The following ADCY2 variants were observed in gnomAD, a reference collection of about 807,000 sequenced individuals.
The protein encoded by ADCY2 is adenylate cyclase 2.
ADCY2 carries 31 observed loss-of-function variants against 125.2 expected under a neutral mutation model. The observed-to-expected ratio is 0.25, with a 90% CI of 0.19 to 0.33. The LOEUF is 0.33. ADCY2 is among the 10% of genes least tolerant of loss of function. The probability of loss-of-function intolerance (pLI) is 1.00; values close to 1 mark genes in which losing one functional copy is unlikely to be tolerated. For synonymous variants in ADCY2, 512 were observed against 548.4 expected (o/e 0.93, Z 0.93); for missense variants, 904 against 1,418.2 (o/e 0.64, Z 5.82).
At chr5:7,443,911 A>T (rs1265544530) in intron 2 of ADCY2, among the ~76,000 whole-genome samples, 1 of 151,856 alleles carries the variant, frequency 6.6e-6, no homozygotes, top group African/African-American at 2.4e-5. Context: ...TTTGTTTTAA[A>T]TTTTCAGCAG....
intron 3 of ADCY2, among the ~76,000 whole-genome samples, chr5:7,616,659 G>A (rs974302926): frequency 1.3e-5 from 2 of 152,132 alleles, no homozygotes; most frequent in African/African-American, 4.8e-5. Flanking sequence ...AATGTCTAAG[G>A]CTTGCCCATT....
intron 6 of ADCY2, among the ~76,000 whole-genome samples, chr5:7,697,266 A>G (rs1740924443): frequency 6.6e-6 from 1 of 152,080 alleles, no homozygotes; most frequent in Non-Finnish European, 1.5e-5. Flanking sequence ...TAACAGAAGT[A>G]CTCAACGTGA....
At chr5:7,588,745 AATTTT>A (rs1736712613) in intron 3 of ADCY2, among the ~76,000 whole-genome samples, 1 of 152,222 alleles carries the variant, frequency 6.6e-6, no homozygotes, top group African/African-American at 2.4e-5. Context: ...GTTGCTTGGG[AATTTT>A]ATTTTAATCA....
intron 4 of ADCY2, among the ~76,000 whole-genome samples, chr5:7,626,768 G>GTCCCAGGGAGGGCATTTA (rs1394449027): frequency 6.6e-6 from 1 of 152,140 alleles, no homozygotes; most frequent in East Asian, 1.9e-4. Flanking sequence ...GGGCATTTAT[G>GTCCCAGGGAGGGCATTTA]TGTCCATGAG....
intron 10 of ADCY2, among the ~76,000 whole-genome samples, chr5:7,711,493 G>A (rs1741439553): frequency 6.6e-6 from 1 of 152,178 alleles, no homozygotes; most frequent in Non-Finnish European, 1.5e-5. Flanking sequence ...TTCCTGTGCT[G>A]TTTTTCATGT....
At chr5:7,425,084 T>G (rs1448163839) in intron 2 of ADCY2, among the ~76,000 whole-genome samples, 14 of 152,172 alleles carry the variant, frequency 9.2e-5, no homozygotes, top group Non-Finnish European at 1.5e-5. Flanking sequence ...TGCCCAGTGC[T>G]GCTCACTGTC....
chr5:7,633,501 T>C (rs553299685), intron 4 of ADCY2, among the ~76,000 whole-genome samples: 1 of 151,964 alleles, frequency 6.6e-6, no homozygotes, highest in African/African-American at 2.4e-5. Flanking sequence ...TAAAAAAGAA[T>C]TATAGCAATT....
chr5:7,510,703 G>A (rs753802459), intron 2 of ADCY2, among the ~76,000 whole-genome samples: 9 of 152,208 alleles, frequency 5.9e-5, no homozygotes, highest in Non-Finnish European at 1.2e-4. Context: ...AGGGCAGATG[G>A]TGCAGCTCTC....
intron 7 of ADCY2, among the ~76,000 whole-genome samples, chr5:7,699,058 TGAG>T: frequency 7.7e-6 from 1 of 130,458 alleles, no homozygotes; most frequent in Non-Finnish European, 1.6e-5. Context: ...TGTTGTTTCC[TGAG>T]TCAGGAAACA....
chr5:7,643,151 A>C (rs1306083299), intron 4 of ADCY2, among the ~76,000 whole-genome samples: 2 of 151,950 alleles, frequency 1.3e-5, no homozygotes, highest in Non-Finnish European at 2.9e-5. Context: ...TCTATTTATG[A>C]AAATATGCCA....
intron 1 of ADCY2, among the ~76,000 whole-genome samples, chr5:7,409,016 T>C (rs1459064951): frequency 6.6e-6 from 1 of 152,168 alleles, no homozygotes; most frequent in Admixed American, 6.5e-5. Flanking sequence ...AAAGAAAATG[T>C]GGTACATATA....
intron 14 of ADCY2, among the ~76,000 whole-genome samples, chr5:7,741,040 T>C (rs62342472): frequency 0.027 from 4,076 of 152,096 alleles, 77 homozygotes; most frequent in Non-Finnish European, 0.04. Flanking sequence ...ACCTCACAAA[T>C]CTGATCTAAA....
chr5:7,685,972 C>G (rs975052053), intron 4 of ADCY2, among the ~76,000 whole-genome samples: 1 of 152,138 alleles, frequency 6.6e-6, no homozygotes, highest in Non-Finnish European at 1.5e-5. Context: ...AACATCCTTT[C>G]TGTTTATCCC....
intron 3 of ADCY2, among the ~76,000 whole-genome samples, chr5:7,570,776 T>C (rs1396783606): frequency 1.3e-5 from 2 of 152,162 alleles, no homozygotes; most frequent in Non-Finnish European, 1.5e-5. Flanking sequence ...TTATCACAAT[T>C]CAAATATTGT....
chr5:7,611,378 G>A (rs893195025), intron 3 of ADCY2, among the ~76,000 whole-genome samples: 2 of 152,064 alleles, frequency 1.3e-5, no homozygotes, highest in Non-Finnish European at 2.9e-5. Context: ...TACCTAGTGT[G>A]CCCACTCTTT....
intron 3 of ADCY2, among the ~76,000 whole-genome samples, chr5:7,615,987 A>G (rs1157985224): frequency 6.6e-6 from 1 of 152,144 alleles, no homozygotes; most frequent in East Asian, 1.9e-4. Flanking sequence ...ATTATATTTT[A>G]TTTTCATATA....
At chr5:7,409,238 G>A (rs1739621296) in intron 1 of ADCY2, among the ~76,000 whole-genome samples, 1 of 152,142 alleles carries the variant, frequency 6.6e-6, no homozygotes, top group Non-Finnish European at 1.5e-5. Flanking sequence ...TGAGGAGGGT[G>A]GAGGGTGGGA....
intron 7 of ADCY2, among the ~76,000 whole-genome samples, chr5:7,704,826 C>T (rs1461109137): frequency 6.7e-6 from 1 of 150,060 alleles, no homozygotes; most frequent in Admixed American, 6.7e-5. Flanking sequence ...TGCAGTGAGC[C>T]GAGATCACGC....
intron 3 of ADCY2, among the ~76,000 whole-genome samples, chr5:7,576,945 T>C (rs748151288): frequency 3.9e-5 from 6 of 152,226 alleles, no homozygotes; most frequent in African/African-American, 1.2e-4. Flanking sequence ...AATAGACTTA[T>C]CTTTACTGAA....
Sources: gnomAD v4.1 joint callset for allele counts (sites outside exome capture counted in the v4.1 genomes callset) on GRCh38, gnomAD v4.1.1 for gene constraint, MANE v1.5 for transcripts, NCBI Gene and HGNC (gene_info 2026-07-23, HGNC 2026-07-21) for gene names.